Variants in MYT1L observed in about 807,000 individuals in gnomAD.
MYT1L encodes myelin transcription factor 1 like.
A neutral mutation model predicts 126.7 loss-of-function variants in MYT1L; 12 were observed. The observed-to-expected ratio is 0.09, with a 90% confidence interval of 0.06 to 0.15. The LOEUF is 0.15. Among genes scored for constraint, MYT1L ranks in the 10% least tolerant of loss-of-function variants. MYT1L has a pLI of 1.00. For synonymous variants in MYT1L, 541 were observed against 604.2 expected, an observed-to-expected ratio of 0.90 and a Z score of 1.53; for missense variants, 979 against 1,585.2, an observed-to-expected ratio of 0.62 and a Z score of 6.49.
At chr2:2,201,317 G>T (rs2093061341) in intron 2 of MYT1L, among the ~76,000 whole-genome samples, 1 of 152,154 alleles carries the variant, frequency 6.6e-6, no homozygotes, top group South Asian at 2.1e-4. Context: ...CACTCCTCAT[G>T]GTCCAGCCAG....
chr2:1,870,231 T>C (rs1184738061), intron 18 of MYT1L, among the ~76,000 whole-genome samples: 2 of 152,192 alleles, frequency 1.3e-5, no homozygotes, highest in African/African-American at 4.8e-5. Flanking sequence ...CCAAGCTGCA[T>C]GGATTTGGGG....
intron 3 of MYT1L, among the ~76,000 whole-genome samples, chr2:2,152,409 G>C (rs1422778703): frequency 6.6e-6 from 1 of 152,246 alleles, no homozygotes; most frequent in Non-Finnish European, 1.5e-5. Flanking sequence ...TGACTGTGGT[G>C]AGTAGTTGAA....
chr2:1,999,628 C>T (rs2062178033), intron 4 of MYT1L, among the ~76,000 whole-genome samples: 1 of 152,046 alleles, frequency 6.6e-6, no homozygotes, highest in Admixed American at 6.6e-5. Context: ...AAATGGAAAA[C>T]TCAACATAAT....
chr2:1,797,156 G>A (rs2033720500), intron 23 of MYT1L, among the ~76,000 whole-genome samples: 1 of 152,144 alleles, frequency 6.6e-6, no homozygotes, highest in Admixed American at 6.5e-5. Context: ...ATGGGGTTGG[G>A]GAAACGCAGA....
intron 21 of MYT1L, among the ~76,000 whole-genome samples, chr2:1,823,026 C>T (rs995322415): frequency 6.6e-6 from 1 of 152,194 alleles, no homozygotes; most frequent in African/African-American, 2.4e-5. Flanking sequence ...CTGGCCCCTA[C>T]ACCTGTGAAA....
chr2:1,877,937 G>A (rs1321664878), intron 18 of MYT1L, among the ~76,000 whole-genome samples: 1 of 152,224 alleles, frequency 6.6e-6, no homozygotes, highest in Non-Finnish European at 1.5e-5. Context: ...GCAAGCTTGG[G>A]AGAGAAATAT....
intron 19 of MYT1L, among the ~76,000 whole-genome samples, chr2:1,847,524 C>A (rs774357302): frequency 6.6e-6 from 1 of 152,034 alleles, no homozygotes; most frequent in African/African-American, 2.4e-5. Flanking sequence ...GCCTGTCTGG[C>A]GGGACCTGGA....
At chr2:2,122,739 C>T (rs1021669375) in intron 3 of MYT1L, among the ~76,000 whole-genome samples, 3 of 152,080 alleles carry the variant, frequency 2.0e-5, no homozygotes, top group Non-Finnish European at 2.9e-5. Flanking sequence ...GTTGGCCATA[C>T]AACTTACTGT....
intron 8 of MYT1L, among the ~76,000 whole-genome samples, chr2:1,955,335 G>A (rs2058253800): frequency 6.6e-6 from 1 of 152,028 alleles, no homozygotes; most frequent in South Asian, 2.1e-4. Context: ...TGAATGATTA[G>A]ATATCTCTAT....
At chr2:2,012,274 A>G (rs1574501488) in intron 4 of MYT1L, among the ~76,000 whole-genome samples, 1 of 152,266 alleles carries the variant, frequency 6.6e-6, no homozygotes, top group Non-Finnish European at 1.5e-5. Context: ...AATGAAATAT[A>G]TATCTGCCAT....
chr2:2,125,055 T>C (rs1476097589), intron 3 of MYT1L, among the ~76,000 whole-genome samples: 1 of 152,256 alleles, frequency 6.6e-6, no homozygotes, highest in Admixed American at 6.5e-5. Context: ...GTATAACCAT[T>C]AGAGAAACAC....
intron 4 of MYT1L, among the ~76,000 whole-genome samples, chr2:1,998,219 G>A (rs955685085): frequency 3.3e-5 from 5 of 152,132 alleles, no homozygotes; most frequent in African/African-American, 7.2e-5. Context: ...GCTCTCCAGG[G>A]TTGACAGGAC....
At chr2:2,001,124 CTTCT>C (rs1329851229) in intron 4 of MYT1L, among the ~76,000 whole-genome samples, 4 of 151,650 alleles carry the variant, frequency 2.6e-5, no homozygotes, top group African/African-American at 9.7e-5. Context: ...CGAGAACTTT[CTTCT>C]TTCTTTATTA....
intron 3 of MYT1L, among the ~76,000 whole-genome samples, chr2:2,147,488 C>T (rs575864393): frequency 1.3e-5 from 2 of 152,332 alleles, no homozygotes; most frequent in Non-Finnish European, 2.9e-5. Flanking sequence ...ATGTCCCAAG[C>T]GTGGTTTGTC....
chr2:2,180,634 G>C (rs566852222), intron 2 of MYT1L, among the ~76,000 whole-genome samples: 1 of 150,206 alleles, frequency 6.7e-6, no homozygotes. Flanking sequence ...GTAGCTGTGT[G>C]TGCACCTGTA....
At chr2:1,850,533 C>T (rs921311337) in intron 19 of MYT1L, among the ~76,000 whole-genome samples, 1 of 152,218 alleles carries the variant, frequency 6.6e-6, no homozygotes, top group African/African-American at 2.4e-5. Flanking sequence ...GTGGATTCGC[C>T]TTTGTGTGGA....
Position 2,111,887 on chromosome 2 carries a change from T to C in MYT1L, c.-303-57764A>G, listed in dbSNP as rs961564636. Among the ~76,000 whole-genome samples the C allele has an allele frequency of 3.3e-5, 5 of 152,232 alleles. No homozygotes were observed. The South Asian group carries it at 1.0e-3, about 31-fold the overall frequency. Reference sequence around the variant, plus strand: ...CCTCCATTGGCTGCCATGGTGGGCGTTGCCCCCGGGCAGTATATCATTCAC... The same window carrying C: ...CCTCCATTGGCTGCCATGGTGGGCGCTGCCCCCGGGCAGTATATCATTCAC... On this transcript the variant is annotated intron_variant, in intron 3 of 24. Coordinates refer to ENST00000647738, the MANE Select transcript of MYT1L (RefSeq NM_001303052.2).
intron 3 of MYT1L, among the ~76,000 whole-genome samples, chr2:2,102,548 T>A (rs2078222778): frequency 6.6e-6 from 1 of 152,096 alleles, no homozygotes; most frequent in South Asian, 2.1e-4. Flanking sequence ...CAGAAAAGGT[T>A]GTCTGCTACA....
chr2:1,921,705 AC>A, intron 10 of MYT1L, among the ~76,000 whole-genome samples: 1 of 152,360 alleles, frequency 6.6e-6, no homozygotes, highest in Admixed American at 6.5e-5. Context: ...GGTTTCCATT[AC>A]CTTACTATCT....
Sources: gnomAD v4.1 joint callset for allele counts (sites outside exome capture counted in the v4.1 genomes callset) on GRCh38, gnomAD v4.1.1 for gene constraint, MANE v1.5 for transcripts, NCBI Gene and HGNC (gene_info 2026-07-23, HGNC 2026-07-21) for gene names.